Variants in CAPN14 observed in about 807,000 individuals in gnomAD.
CAPN14 encodes the protein calpain-14.
Under a neutral mutation model 101.3 loss-of-function variants are expected in CAPN14, and 94 were observed. The ratio of observed to expected loss-of-function variants is 0.93; its 90% CI spans 0.79 to 1.10. The LOEUF is 1.10. Among genes scored for constraint, CAPN14 ranks in the 50% least tolerant of loss-of-function variants. The probability of loss-of-function intolerance (pLI) is 0.00; values close to 1 mark genes in which losing one functional copy is unlikely to be tolerated. For missense variants in CAPN14, 837 were observed against 828.4 expected (o/e 1.01, Z -0.13); for synonymous variants, 338 against 317.9 (o/e 1.06, Z -0.67).
upstream of CAPN14, among the ~76,000 whole-genome samples, chr2:31,218,856 G>A (rs530841921): frequency 5.9e-5 from 9 of 152,260 alleles, no homozygotes; most frequent in Admixed American, 1.3e-4. Flanking sequence ...TGAGCTAAAC[G>A]CTCTTTGGAG....
intron 15 of CAPN14, 65 bp from the exon 16 acceptor site, chr2:31,186,550 G>A (rs1457873402): frequency 1.6e-6 from 2 of 1,229,826 alleles, no homozygotes; most frequent in Non-Finnish European, 2.3e-6. Context: ...ATGGCAGAGG[G>A]GTCATATGAC....
At position 31,201,993 on chromosome 2, in the gene CAPN14, C is replaced by G. The variant is rs1271544233; in HGVS notation, c.420G>C (p.Trp140Cys). 2.6e-6 allele frequency: 4 copies of G among 1,551,538 alleles called. No individual in the cohort carries two copies. Among genetic ancestry groups the G allele is most frequent in the Non-Finnish European group, 3.5e-6 (4 of 1,146,980 alleles). Residue 140 changes from tryptophan (W) to cysteine (C), a missense_variant, in exon 5 of 22, where the codon TGG (tryptophan) becomes TGC (cysteine). By Grantham distance (215) the Trp-to-Cys change is radical. Coordinates refer to ENST00000403897, the MANE Select transcript of CAPN14 (RefSeq NM_001145122.2). ...CCACAGGAACCCAGTTCCCATAGTG[C>G]CAGAACTGGAGGGAGAGAGTGGCCC... ...KYAGIFRFWFWHYGNWVPVVI... is the reference protein window; with the variant it reads ...KYAGIFRFWFCHYGNWVPVVI...
In CAPN14 at chr2:31,181,082, C is replaced by CA. The variant is rs1680570984; in HGVS notation, c.1646-83dup. The CA allele has an allele frequency of 8.2e-6, 9 of 1,092,426 alleles. No individual in the cohort carries two copies. The East Asian group carries it at 1.6e-4, about 19-fold the overall frequency. 67.7% of individuals were successfully genotyped at this position (1,092,426 alleles called of 1,614,324 possible). ...TTCTGAGCAGGAAGAGGCAGTGCTG[C>CA]ATGGGCCAGCTGATGACCACCATGT... On this transcript the variant is annotated intron_variant, in intron 16 of 21. Transcript: ENST00000403897.
intron 15 of CAPN14, among the ~76,000 whole-genome samples, chr2:31,186,868 T>A (rs1680924607): frequency 6.6e-6 from 1 of 152,226 alleles, no homozygotes; most frequent in Non-Finnish European, 1.5e-5. Context: ...CTGAGGCATA[T>A]TCATAACATG....
chr2:31,210,056 G>A (rs1160117253), intron 1 of CAPN14, among the ~76,000 whole-genome samples: 1 of 152,154 alleles, frequency 6.6e-6, no homozygotes, highest in Non-Finnish European at 1.5e-5. Context: ...ACAAAGGGTG[G>A]TCTTACAACT....
intron 1 of CAPN14, among the ~76,000 whole-genome samples, chr2:31,231,893 G>A (rs758020726): frequency 2.0e-5 from 3 of 152,184 alleles, no homozygotes; most frequent in Non-Finnish European, 2.9e-5. Flanking sequence ...CTCATGCCTT[G>A]TGAGTTGTTA....
intron 2 of CAPN14, among the ~76,000 whole-genome samples, chr2:31,225,568 C>T (rs1682996825): frequency 6.6e-6 from 1 of 151,952 alleles, no homozygotes; most frequent in Non-Finnish European, 1.5e-5. Context: ...ATGATGATCA[C>T]AGAAACAGAA....
chr2:31,199,453 G>A lies in CAPN14; in HGVS notation c.789+17C>T. On this transcript the variant is annotated intron_variant, in intron 7 of 21. Coordinates refer to ENST00000403897, the MANE Select transcript of CAPN14 (RefSeq NM_001145122.2). ...GGCAAGGCTGAGAGGGAAACCGAAG[G>A]GCCAACCTCAACCCACCTTCCTGAT... The A allele has an allele frequency of 6.4e-7, 1 of 1,550,454 alleles. No individual in the cohort carries two copies. The highest frequency in any genetic ancestry group is 8.7e-7 in the Non-Finnish European group (1 of 1,146,028).
chr2:31,181,398 T>TCTTTC (rs1680595605), intron 16 of CAPN14, among the ~76,000 whole-genome samples: 1 of 134,980 alleles, frequency 7.4e-6, no homozygotes, highest in African/African-American at 2.9e-5. Context: ...TTCTTTCTTT[T>TCTTTC]TTTCTTTCTT....
At chr2:31,195,534 A>C (rs1681426697) in intron 8 of CAPN14, among the ~76,000 whole-genome samples, 2 of 152,086 alleles carry the variant, frequency 1.3e-5, no homozygotes, top group Non-Finnish European at 2.9e-5. Context: ...ACGTGGTTTT[A>C]CCATGTTGGC....
chr2:31,200,807 T>C (rs531480328), intron 5 of CAPN14, among the ~76,000 whole-genome samples, 182 bp from the exon 6 acceptor site: 5 of 152,166 alleles, frequency 3.3e-5, no homozygotes, highest in Non-Finnish European at 5.9e-5. Flanking sequence ...CTGGTGGTCA[T>C]AGATAAAACT....
At chr2:31,186,123 T>G (rs1271634700) in intron 16 of CAPN14, among the ~76,000 whole-genome samples, 3 of 152,210 alleles carry the variant, frequency 2.0e-5, no homozygotes, top group African/African-American at 2.4e-5. Context: ...CCACATGGAA[T>G]TGATATGCCA....
Position 31,197,499 on chromosome 2 carries a change from G to A in CAPN14, c.790-165C>T, listed in dbSNP as rs529705412. Among the ~76,000 whole-genome samples, 50 of 152,326 alleles carry A rather than the reference G, an allele frequency of 3.3e-4. 2 individuals carry two copies. The South Asian group carries it at 0.01, about 32-fold the overall frequency. ...TCTGCTTCTTGTACTTACAAGCTGT[G>A]AGACCTAGGGCAAATCAGCTAACCT... On this transcript the variant is annotated intron_variant, in intron 7 of 21. Transcript: ENST00000403897.
intron 1 of CAPN14, among the ~76,000 whole-genome samples, chr2:31,211,621 T>TTGTA (rs1179862260): frequency 6.6e-6 from 1 of 150,472 alleles, no homozygotes; most frequent in African/African-American, 2.4e-5. Context: ...ACCAATGAAG[T>TTGTA]TGTATATAGA....
intron 18 of CAPN14, among the ~76,000 whole-genome samples, chr2:31,178,031 C>CA (rs1680400465): frequency 1.3e-5 from 2 of 152,026 alleles, no homozygotes; most frequent in South Asian, 4.1e-4. Flanking sequence ...TTCTGAGAAA[C>CA]AAAAAAGTCT....
Position 31,174,429 on chromosome 2 carries a change from G to A in CAPN14, c.*252C>T. 1 of 583,826 alleles carries A rather than the reference G, an allele frequency of 1.7e-6. No individual in the cohort carries two copies. Among genetic ancestry groups the A allele is most frequent in the Non-Finnish European group, 3.0e-6 (1 of 327,888 alleles). 36.2% of individuals were successfully genotyped at this position (583,826 alleles called of 1,614,324 possible). A position where few individuals can be genotyped will look rare whatever the true frequency, so the allele number is the denominator to read the frequency against. Reference sequence around the variant, plus strand: ...CAGGTAACATCTCCGCTTGTGACAAGGTTGTGGCCTCAGGGAAGGATGGCT... The same window carrying A: ...CAGGTAACATCTCCGCTTGTGACAAAGTTGTGGCCTCAGGGAAGGATGGCT... On this transcript the variant is annotated 3_prime_UTR_variant, in exon 22 of 22. Coordinates refer to ENST00000403897, the MANE Select transcript of CAPN14 (RefSeq NM_001145122.2).
At chr2:31,196,590 TA>T (rs1033893013) in intron 8 of CAPN14, among the ~76,000 whole-genome samples, 2 of 152,042 alleles carry the variant, frequency 1.3e-5, no homozygotes, top group Non-Finnish European at 2.9e-5. Context: ...TGTAAAGGAT[TA>T]AGTATTATAC....
In CAPN14 at chr2:31,177,056, G is replaced by C; in HGVS notation, c.1942C>G (p.His648Asp). Residue 648 changes from histidine (H) to aspartate (D), a missense_variant, in exon 20 of 22, where the codon CAC (histidine) becomes GAC (aspartate). His to Asp is a moderately conservative substitution (Grantham distance 81). Coordinates refer to ENST00000403897, the MANE Select transcript of CAPN14 (RefSeq NM_001145122.2). ...RLQMDFVSFI[H>D]LMLRVENMED... ...ATGTTCTCTACACGCAGCATCAAGT[G>C]GATGAAACTGACAAAGTCCATCTGG... The C allele has an allele frequency of 1.3e-6, 2 of 1,551,440 alleles. No homozygotes were observed. The highest frequency in any genetic ancestry group is 1.2e-5 in the South Asian group (1 of 84,006).
rs113806756 is a variant in CAPN14 at position 31,189,308 on chromosome 2, G to A, written c.1458C>T (p.Phe486=). Residue 486 remains phenylalanine (F), a synonymous_variant, in exon 13 of 22, where the codon TTC becomes TTT. Transcript: ENST00000403897. ...GCTTCCTGGAGAAGACCCTGAGGAC[G>A]AACTCTGACTTCTGGTGGGCCTCCA... ...CILEAHQKSE[F]VLRVFSRKHI... 496 of 1,551,586 alleles carry A rather than the reference G, an allele frequency of 3.2e-4. 1 individual carries two copies. In the African/African-American group the frequency reaches 5.5e-3, roughly 17 times the overall value.
Sources: allele counts gnomAD v4.1 joint callset (sites outside exome capture counted in the v4.1 genomes callset), GRCh38; gene constraint gnomAD v4.1.1; transcripts MANE v1.5; gene names NCBI Gene and HGNC (gene_info 2026-07-23, HGNC 2026-07-21).